Variants in TRIM24 observed in about 807,000 individuals in gnomAD.
The protein encoded by TRIM24 is tripartite motif containing 24.
Under a neutral mutation model 123.9 loss-of-function variants are expected in TRIM24, and 29 were observed. That is an observed-to-expected ratio of 0.23 (90% CI 0.17 to 0.32). The LOEUF is 0.32. Ranked by LOEUF, TRIM24 falls within the 10% of genes least tolerant of loss-of-function variation. The probability of loss-of-function intolerance (pLI) is 1.00; values close to 1 mark genes in which losing one functional copy is unlikely to be tolerated. For missense variants in TRIM24, 932 were observed against 1,295.3 expected (o/e 0.72, Z 4.31); for synonymous variants, 456 against 461.1 (o/e 0.99, Z 0.14).
At chr7:138,575,057 A>T (rs1486875578) in intron 12 of TRIM24, among the ~76,000 whole-genome samples, 1 of 152,172 alleles carries the variant, frequency 6.6e-6, no homozygotes, top group African/African-American at 2.4e-5. Context: ...CTATTCAGAC[A>T]ATGCTTATGT....
intron 1 of TRIM24, among the ~76,000 whole-genome samples, chr7:138,494,485 G>A (rs1015829740): frequency 1.3e-5 from 2 of 152,052 alleles, no homozygotes; most frequent in African/African-American, 4.8e-5. Context: ...TGTAATCCCA[G>A]CACTTTGGGA....
chr7:138,576,354 A>C lies in TRIM24; in HGVS notation c.2015-19A>C. The stretch of plus-strand genomic sequence containing the variant: ...AATTATTCATTCGTTTTATGAATGT[A>C]TGGTTTCCCCCTCCTCAGGACCTGT... On this transcript the variant is annotated intron_variant, in intron 12 of 18. Coordinates refer to ENST00000343526, the MANE Select transcript of TRIM24 (RefSeq NM_015905.3). 2 of 1,609,184 alleles carry C rather than the reference A, an allele frequency of 1.2e-6. No homozygotes were observed. Among genetic ancestry groups the C allele is most frequent in the Non-Finnish European group, 1.7e-6 (2 of 1,175,872 alleles).
In TRIM24 at chr7:138,470,674, C is replaced by A. The variant is rs117208620; in HGVS notation, c.364+9762C>A. On this transcript the variant is annotated intron_variant, in intron 1 of 18. Coordinates refer to ENST00000343526, the MANE Select transcript of TRIM24 (RefSeq NM_015905.3). ...ATGTATAATAACCTTAAAAAGTGAT[C>A]GCTTGTTTCAATTAACGACAGAGAC... Among the ~76,000 whole-genome samples the A allele has an allele frequency of 1.5e-3, 225 of 152,210 alleles. 1 individual carries two copies. Among genetic ancestry groups the A allele is most frequent in the African/African-American group, 5.3e-3 (220 of 41,540 alleles).
chr7:138,557,949 AGG>A (rs989824713), intron 9 of TRIM24, among the ~76,000 whole-genome samples: 2 of 95,120 alleles, frequency 2.1e-5, no homozygotes, highest in Non-Finnish European at 5.1e-5. Context: ...TTATTCTCTC[AGG>A]GGGCCATTCA....
At chr7:138,516,081 TG>T (rs1796387749) in intron 3 of TRIM24, among the ~76,000 whole-genome samples, 1 of 152,102 alleles carries the variant, frequency 6.6e-6, no homozygotes, top group African/African-American at 2.4e-5. Context: ...AGGTGGATCA[TG>T]AGATCAGGAG....
At chr7:138,508,735 G>A (rs948839948) in intron 2 of TRIM24, among the ~76,000 whole-genome samples, 3 of 151,616 alleles carry the variant, frequency 2.0e-5, no homozygotes, top group African/African-American at 4.8e-5. Context: ...GTGTGTGTGT[G>A]TGTGTGTGTG....
chr7:138,465,668 G>C (rs557611020), intron 1 of TRIM24, among the ~76,000 whole-genome samples: 3 of 152,254 alleles, frequency 2.0e-5, no homozygotes, highest in East Asian at 3.9e-4. Context: ...CATCTCATGA[G>C]TGCAATCTTT....
intron 9 of TRIM24, among the ~76,000 whole-genome samples, chr7:138,561,628 C>A (rs1797430020): frequency 6.6e-6 from 1 of 152,150 alleles, no homozygotes; most frequent in Admixed American, 6.5e-5. Flanking sequence ...CAGAGGCCAT[C>A]CTAGTGCCAC....
rs895867961 is a variant in TRIM24, at chr7:138,579,543, A to C, written c.2585+11A>C. ...GACAAATTTTCCAAGGTAAGATAGT[A>C]CTTCCCTTCCCACATTCTTTTACTG... is the stretch of plus-strand genomic sequence containing the variant. On this transcript the variant is annotated intron_variant, in intron 15 of 18. Transcript: ENST00000343526. 3.2e-6 allele frequency: 5 copies of C among 1,562,734 alleles called. No individual in the cohort carries two copies. The Admixed American group carries it at 5.6e-5, about 17-fold the overall frequency.
chr7:138,572,319 C>T (rs922485936), intron 11 of TRIM24, among the ~76,000 whole-genome samples: 6 of 152,154 alleles, frequency 3.9e-5, no homozygotes, highest in African/African-American at 1.2e-4. Context: ...GTATTAAGTT[C>T]TCATGAATTT....
intron 6 of TRIM24, among the ~76,000 whole-genome samples, chr7:138,537,314 G>C (rs996650147): frequency 7.3e-5 from 11 of 150,842 alleles, no homozygotes; most frequent in Admixed American, 6.6e-5. Context: ...ACTCACGCTG[G>C]GAGCTGTAGA....
chr7:138,565,323 C>T (rs548022670), intron 9 of TRIM24, among the ~76,000 whole-genome samples: 3 of 152,154 alleles, frequency 2.0e-5, no homozygotes, highest in Non-Finnish European at 2.9e-5. Flanking sequence ...AGTTACACCC[C>T]GGGAGGTGAT....
At chr7:138,543,414 T>G (rs1202472372) in intron 7 of TRIM24, among the ~76,000 whole-genome samples, 1 of 152,204 alleles carries the variant, frequency 6.6e-6, no homozygotes, top group African/African-American at 2.4e-5. Context: ...ATGATTATTT[T>G]TAAACATTTA....
chr7:138,541,229 A>G lies in TRIM24; in HGVS notation c.1143+2426A>G, dbSNP rs551171860. ...ACTGAGAGGCTGAGGCAGGAGGCTC[A>G]CTTGAGGCTTGGAGTTCGAGACCAC... On this transcript the variant is annotated intron_variant, in intron 7 of 18. Coordinates refer to ENST00000343526, the MANE Select transcript of TRIM24 (RefSeq NM_015905.3). Among the ~76,000 whole-genome samples, 5 of 152,150 alleles carry G rather than the reference A, an allele frequency of 3.3e-5. No individual in the cohort carries two copies. In the South Asian group the frequency reaches 1.0e-3, roughly 32 times the overall value.
At chr7:138,538,190 C>T (rs1224990657) in intron 6 of TRIM24, among the ~76,000 whole-genome samples, 2 of 152,208 alleles carry the variant, frequency 1.3e-5, no homozygotes, top group African/African-American at 4.8e-5. Flanking sequence ...GTGTCATCTA[C>T]AACACAGCAT....
intron 6 of TRIM24, among the ~76,000 whole-genome samples, chr7:138,533,389 C>A (rs373556234): frequency 6.6e-6 from 1 of 152,202 alleles, no homozygotes; most frequent in Non-Finnish European, 1.5e-5. Flanking sequence ...GAGATACGTC[C>A]CATCAATACC....
At chr7:138,498,826 G>A (rs548282546) in intron 1 of TRIM24, among the ~76,000 whole-genome samples, 2 of 151,774 alleles carry the variant, frequency 1.3e-5, no homozygotes, top group Non-Finnish European at 2.9e-5. Flanking sequence ...TAGAGACAGG[G>A]TTTCACCATG....
chr7:138,475,529 G>A (rs978975296), intron 1 of TRIM24, among the ~76,000 whole-genome samples: 9 of 152,072 alleles, frequency 5.9e-5, no homozygotes, highest in African/African-American at 2.2e-4. Context: ...GTTTTCTTTC[G>A]TTGCTGTTTT....
chr7:138,574,141 T>C (rs1430369389), intron 12 of TRIM24, among the ~76,000 whole-genome samples: 2 of 152,222 alleles, frequency 1.3e-5, no homozygotes, highest in Non-Finnish European at 2.9e-5. Flanking sequence ...ATTGGTGTTA[T>C]ATTCTTTCTT....
Sources: allele counts gnomAD v4.1 joint callset (sites outside exome capture counted in the v4.1 genomes callset), GRCh38; gene constraint gnomAD v4.1.1; transcripts MANE v1.5; gene names NCBI Gene and HGNC (gene_info 2026-07-23, HGNC 2026-07-21).